Variants in IARS1 observed in about 807,000 individuals in gnomAD.
IARS1 encodes isoleucyl-tRNA synthetase 1.
A neutral mutation model predicts 168.2 loss-of-function variants in IARS1; 124 were observed. That is an observed-to-expected ratio of 0.74 (90% confidence interval 0.64 to 0.86). IARS1 has a LOEUF of 0.86. Ranked by LOEUF, IARS1 falls within the 40% of genes least tolerant of loss-of-function variation. IARS1 has a pLI of 0.00. For missense variants in IARS1, 1,452 were observed against 1,515.8 expected (o/e 0.96, Z 0.70); for synonymous variants, 532 against 529.4 (o/e 1.00, Z -0.07).
intron 33 of IARS1, among the ~76,000 whole-genome samples, chr9:92,212,734 A>G (rs1837960352): frequency 6.6e-6 from 1 of 152,254 alleles, no homozygotes; most frequent in Non-Finnish European, 1.5e-5. Context: ...CCACAATGAA[A>G]GAGCCAAGTG....
intron 33 of IARS1, among the ~76,000 whole-genome samples, chr9:92,213,489 A>T (rs963815499): frequency 6.6e-6 from 1 of 152,234 alleles, no homozygotes; most frequent in Non-Finnish European, 1.5e-5. Flanking sequence ...GAAGAGAAGG[A>T]GGCAATGTGA....
At chr9:92,251,075 G>C (rs1030655294) in intron 22 of IARS1, 1 of 546,644 alleles carries the variant, frequency 1.8e-6, no homozygotes, top group Non-Finnish European at 3.5e-6. Context: ...GTCTAAAATA[G>C]AAACAGGAGC....
intron 17 of IARS1, 71 bp from the exon 18 acceptor site, chr9:92,260,305 A>C (rs1244300991): frequency 9.8e-7 from 1 of 1,015,854 alleles, no homozygotes; most frequent in Admixed American, 1.7e-5. Context: ...AAGGATACAA[A>C]TCATTTGCAA....
At chr9:92,269,393 C>T (rs750372607) in intron 13 of IARS1, among the ~76,000 whole-genome samples, 2 of 152,198 alleles carry the variant, frequency 1.3e-5, no homozygotes, top group African/African-American at 2.4e-5. Flanking sequence ...CTTGGGCTAT[C>T]ACCTGCAGGA....
At chr9:92,286,420 T>A (rs1835470808) in intron 5 of IARS1, 116 bp downstream of exon 5, 2 of 615,226 alleles carry the variant, frequency 3.3e-6, no homozygotes, top group Admixed American at 3.1e-5. Flanking sequence ...TCCCAAAGAT[T>A]TTCAGAGAAA....
rs987684821 is a variant in IARS1, at chr9:92,278,037, T to C, written c.834-114A>G. ...CTGGCTTCTTAGCCCTAGCCATTCA[T>C]GCTGTAATGTGTGACTGCAAAGTAC... On this transcript the variant is annotated intron_variant, in intron 8 of 33. Coordinates refer to ENST00000443024, the MANE Select transcript of IARS1 (RefSeq NM_002161.6). 6 of 1,114,550 alleles carry C rather than the reference T, an allele frequency of 5.4e-6. No individual in the cohort carries two copies. The African/African-American group carries it at 6.2e-5, about 12-fold the overall frequency. 69.0% of individuals were successfully genotyped at this position (1,114,550 alleles called of 1,614,324 possible). A position where few individuals can be genotyped will look rare whatever the true frequency, so the allele number is the denominator to read the frequency against.
intron 9 of IARS1, among the ~76,000 whole-genome samples, chr9:92,275,072 T>C (rs1031250630): frequency 2.6e-5 from 4 of 152,246 alleles, no homozygotes; most frequent in African/African-American, 9.6e-5. Flanking sequence ...AACAGCAATA[T>C]CATCATGTTA....
chr9:92,280,947 T>G, intron 6 of IARS1, 54 bp from the exon 7 acceptor site: 1 of 1,284,842 alleles, frequency 7.8e-7, no homozygotes, highest in Non-Finnish European at 1.1e-6. Context: ...AACAGACACC[T>G]AAGAAAAAGG....
rs993406339 is a variant in IARS1, at chr9:92,285,726, T to A, written c.593A>T (p.Tyr198Phe). ...PLSNFESHQN[Y>F]KDVQDPSVFV... Reference sequence around the variant, plus strand: ...ATGTCTCTACATTTCACGTACCTTATAATTCTGGTGTGACTCGAAGTTGGA... The same window carrying A: ...ATGTCTCTACATTTCACGTACCTTAAAATTCTGGTGTGACTCGAAGTTGGA... The change falls in exon 6 of 34, where the codon TAT (tyrosine) becomes TTT (phenylalanine). Residue 198 changes from tyrosine (Y) to phenylalanine (F), a missense_variant. By Grantham distance (22) the Tyr-to-Phe change is conservative. Transcript: ENST00000443024. 6.3e-7 allele frequency: 1 copy of A among 1,584,586 alleles called. No homozygotes were observed. The highest frequency in any genetic ancestry group is 1.7e-5 in the Admixed American group (1 of 59,942).
At chr9:92,219,472 T>C (rs1213822497) in intron 33 of IARS1, among the ~76,000 whole-genome samples, 17 of 148,360 alleles carry the variant, frequency 1.1e-4, no homozygotes, top group African/African-American at 4.2e-4. Context: ...ACCATCAGAG[T>C]GAACAGGCAA....
intron 6 of IARS1, among the ~76,000 whole-genome samples, chr9:92,281,828 A>C (rs1261565275): frequency 6.6e-6 from 1 of 152,228 alleles, no homozygotes. Flanking sequence ...ACTTGAAATA[A>C]GAGACACTAC....
At chr9:92,259,255 T>C (rs1831183643) in intron 18 of IARS1, among the ~76,000 whole-genome samples, 1 of 152,198 alleles carries the variant, frequency 6.6e-6, no homozygotes, top group Non-Finnish European at 1.5e-5. Context: ...ATGCATCTTA[T>C]GCCACTCTCA....
At chr9:92,241,059 C>G in intron 29 of IARS1, 98 bp from the exon 30 acceptor site, 1 of 707,772 alleles carries the variant, frequency 1.4e-6, no homozygotes, top group Non-Finnish European at 2.6e-6. Context: ...ACAACAAGAG[C>G]TGTACACAAT....
chr9:92,247,441 A>C lies in IARS1; in HGVS notation c.2727T>G (p.Phe909Leu). 6.2e-7 allele frequency: 1 copy of C among 1,614,170 alleles called. No individual in the cohort carries two copies. The highest frequency in any genetic ancestry group is 8.5e-7 in the Non-Finnish European group (1 of 1,180,032). The change falls in exon 26 of 34, where the codon TTT (phenylalanine) becomes TTG (leucine). Residue 909 changes from phenylalanine to leucine, a missense_variant. Coordinates refer to ENST00000443024, the MANE Select transcript of IARS1 (RefSeq NM_002161.6). ...GCTTGATGGACGTCATCACTGCCTT[A>C]AAGGCTCCCTTCAGACGCTTCCCCA... The part of the protein sequence containing the change: ...MVLGKRLKGA[F>L]KAVMTSIKQL...
chr9:92,222,054 A>C (rs1199432826), intron 33 of IARS1, among the ~76,000 whole-genome samples: 1 of 152,216 alleles, frequency 6.6e-6, no homozygotes, highest in African/African-American at 2.4e-5. Flanking sequence ...ATCACGGCTC[A>C]CGCCTGTAAT....
chr9:92,259,090 A>T (rs929138443), intron 18 of IARS1, 92 bp from the exon 19 acceptor site: 1 of 1,179,410 alleles, frequency 8.5e-7, no homozygotes, highest in African/African-American at 1.5e-5. Flanking sequence ...GATGAAAATC[A>T]GTCCTATTTT....
chr9:92,224,868 A>T (rs1346197234), intron 31 of IARS1, among the ~76,000 whole-genome samples: 1 of 152,152 alleles, frequency 6.6e-6, no homozygotes. Flanking sequence ...AATAATAATC[A>T]GTGGACATGT....
At chr9:92,240,108 T>G (rs1828150382) in intron 30 of IARS1, among the ~76,000 whole-genome samples, 1 of 152,154 alleles carries the variant, frequency 6.6e-6, no homozygotes, top group Admixed American at 6.5e-5. Context: ...GTGGTCTGCT[T>G]TCTTCCTTAC....
chr9:92,253,807 C>T (rs140915656), intron 20 of IARS1: 14 of 495,172 alleles, frequency 2.8e-5, no homozygotes, highest in African/African-American at 2.5e-4. Context: ...AATTTGACAG[C>T]ATCAACAATG....
Sources: allele counts gnomAD v4.1 joint callset (sites outside exome capture counted in the v4.1 genomes callset), GRCh38; gene constraint gnomAD v4.1.1; transcripts MANE v1.5; gene names NCBI Gene and HGNC (gene_info 2026-07-23, HGNC 2026-07-21).